SPHKAP: variants seen among roughly 807,000 people sequenced by gnomAD.
SPHKAP encodes SPHK1 interactor, AKAP domain containing, also known as A-kinase anchor protein SPHKAP.
A neutral mutation model predicts 137.5 loss-of-function variants in SPHKAP; 67 were observed. The observed-to-expected ratio is 0.49, with a 90% CI of 0.40 to 0.60. The LOEUF (loss-of-function observed/expected upper bound fraction) is 0.60, where lower values mean the gene tolerates loss of function less well. Among genes scored for constraint, SPHKAP ranks in the 20% least tolerant of loss-of-function variants. The probability of loss-of-function intolerance (pLI) is 0.00; values close to 1 mark genes in which losing one functional copy is unlikely to be tolerated. For synonymous variants in SPHKAP, 813 were observed against 785.3 expected (o/e 1.04, Z -0.59); for missense variants, 2,097 against 2,069.3 (o/e 1.01, Z -0.26).
At chr2:228,159,638 A>AT (rs1266595419) in intron 1 of SPHKAP, among the ~76,000 whole-genome samples, 1 of 152,168 alleles carries the variant, frequency 6.6e-6, no homozygotes, top group Non-Finnish European at 1.5e-5. Context: ...ACAATTACAC[A>AT]TTTTCTAGAG....
chr2:228,081,143 A>G (rs930222719), intron 3 of SPHKAP, among the ~76,000 whole-genome samples: 8 of 152,218 alleles, frequency 5.3e-5, no homozygotes, highest in African/African-American at 1.9e-4. Flanking sequence ...AAGGTTATAT[A>G]TCTCCACAGG....
At chr2:228,022,136 T>C in intron 5 of SPHKAP, 170 bp from the exon 6 acceptor site, 3 of 984,066 alleles carry the variant, frequency 3.0e-6, no homozygotes, top group Non-Finnish European at 3.6e-6. Flanking sequence ...AAAATTCAAG[T>C]GATGTTTGGA....
At chr2:228,000,730 T>C (rs1693824662) in intron 7 of SPHKAP, among the ~76,000 whole-genome samples, 1 of 152,202 alleles carries the variant, frequency 6.6e-6, no homozygotes, top group African/African-American at 2.4e-5. Context: ...CAGTTCTTTT[T>C]TGTTAGTGCT....
chr2:227,992,372 G>A (rs1693445752), intron 9 of SPHKAP, among the ~76,000 whole-genome samples: 1 of 152,152 alleles, frequency 6.6e-6, no homozygotes, highest in Non-Finnish European at 1.5e-5. Context: ...AAGTGACATA[G>A]GGGGTATGAC....
chr2:228,162,895 C>T (rs1320914439), intron 1 of SPHKAP, among the ~76,000 whole-genome samples: 5 of 152,122 alleles, frequency 3.3e-5, no homozygotes, highest in African/African-American at 1.2e-4. Flanking sequence ...GATGGGGTTT[C>T]ACCATGTTGG....
chr2:227,989,238 AAAG>A (rs1419380555), intron 11 of SPHKAP, among the ~76,000 whole-genome samples: 1 of 152,236 alleles, frequency 6.6e-6, no homozygotes, highest in Non-Finnish European at 1.5e-5. Flanking sequence ...CTTTTAAAAT[AAAG>A]AACTACTGGG....
chr2:228,091,844 A>G (rs1342577155), intron 3 of SPHKAP, among the ~76,000 whole-genome samples: 1 of 152,132 alleles, frequency 6.6e-6, no homozygotes, highest in African/African-American at 2.4e-5. Flanking sequence ...TACAACCACT[A>G]TTGAAAACAG....
chr2:227,981,504 G>A lies in SPHKAP; in HGVS notation c.*213C>T, dbSNP rs2106145368. ...CAGCCCTTCTAATCCAAGCTCTTTG[G>A]AACTCACCCACAAGTTGTATGAATT... On this transcript the variant is annotated 3_prime_UTR_variant, in exon 12 of 12. Coordinates refer to ENST00000392056, the MANE Select transcript of SPHKAP (RefSeq NM_001142644.2). 2 of 429,560 alleles carry A rather than the reference G, an allele frequency of 4.7e-6. No homozygotes were observed. The highest frequency in any genetic ancestry group is 8.2e-5 in the East Asian group (2 of 24,250). 26.6% of individuals were successfully genotyped at this position (429,560 alleles called of 1,614,324 possible).
chr2:228,080,885 C>G (rs1574831710), intron 3 of SPHKAP, among the ~76,000 whole-genome samples: 1 of 152,102 alleles, frequency 6.6e-6, no homozygotes. Context: ...GAAATTAGAA[C>G]CCTTGTACAC....
intron 1 of SPHKAP, among the ~76,000 whole-genome samples, chr2:228,145,719 A>T (rs4603759): frequency 0.11 from 16,452 of 152,288 alleles, 1,137 homozygotes; most frequent in East Asian, 0.18. Flanking sequence ...AAAAACATTT[A>T]GCAATGAGAG....
intron 1 of SPHKAP, among the ~76,000 whole-genome samples, chr2:228,154,953 T>C (rs1700065625): frequency 6.6e-6 from 1 of 151,996 alleles, no homozygotes; most frequent in Non-Finnish European, 1.5e-5. Context: ...ATAGCAACAT[T>C]CCTCCTTTTT....
chr2:227,992,799 C>G (rs1026243481), intron 9 of SPHKAP, among the ~76,000 whole-genome samples: 3 of 152,134 alleles, frequency 2.0e-5, no homozygotes, highest in Non-Finnish European at 4.4e-5. Context: ...GGTCAGGGAA[C>G]AACTTTAGCC....
chr2:228,079,507 G>C (rs973457597), intron 3 of SPHKAP, among the ~76,000 whole-genome samples: 8 of 152,214 alleles, frequency 5.3e-5, no homozygotes, highest in Non-Finnish European at 1.0e-4. Flanking sequence ...CAAGATCCAG[G>C]CTGCAGGCCT....
intron 3 of SPHKAP, among the ~76,000 whole-genome samples, chr2:228,081,276 C>T (rs1574832014): frequency 6.6e-6 from 1 of 152,168 alleles, no homozygotes. Flanking sequence ...TCTCTCTTTC[C>T]CCTCCAGCCT....
At chr2:227,998,847 G>A (rs1008439174) in intron 7 of SPHKAP, among the ~76,000 whole-genome samples, 11 of 152,132 alleles carry the variant, frequency 7.2e-5, no homozygotes, top group Non-Finnish European at 1.6e-4. Context: ...ACATGGGTAT[G>A]CATATATTTC....
intron 2 of SPHKAP, among the ~76,000 whole-genome samples, chr2:228,127,143 T>A (rs1699101957): frequency 6.6e-6 from 1 of 152,182 alleles, no homozygotes; most frequent in Non-Finnish European, 1.5e-5. Flanking sequence ...AGAGTGGTGG[T>A]TTATCAGGAC....
chr2:228,073,462 G>T (rs149258657), intron 3 of SPHKAP, among the ~76,000 whole-genome samples: 56 of 152,288 alleles, frequency 3.7e-4, no homozygotes, highest in Admixed American at 2.6e-3. Flanking sequence ...GGGGATAGAA[G>T]ATGGAGGAAT....
At chr2:228,132,929 G>A (rs534058922) in intron 1 of SPHKAP, among the ~76,000 whole-genome samples, 18 of 151,858 alleles carry the variant, frequency 1.2e-4, no homozygotes, top group South Asian at 2.1e-4. Flanking sequence ...GTTTGAACCC[G>A]GGAGGTGGAG....
chr2:227,990,791 C>T (rs1693383847), intron 11 of SPHKAP: 1 of 536,984 alleles, frequency 1.9e-6, no homozygotes, highest in African/African-American at 1.9e-5. Flanking sequence ...CTACCACCTA[C>T]TAGCCAAGAC....
Sources: gnomAD v4.1 joint callset for allele counts (sites outside exome capture counted in the v4.1 genomes callset) on GRCh38, gnomAD v4.1.1 for gene constraint, MANE v1.5 for transcripts, NCBI Gene and HGNC (gene_info 2026-07-23, HGNC 2026-07-21) for gene names.